Variants in SFI1 observed in about 807,000 individuals in gnomAD.
The protein encoded by SFI1 is SFI1 centrin binding protein.
Under a neutral mutation model 207.5 loss-of-function variants are expected in SFI1, and 195 were observed. The observed-to-expected ratio is 0.94, with a 90% confidence interval of 0.84 to 1.06. The LOEUF (loss-of-function observed/expected upper bound fraction) is 1.06. Among genes scored for constraint, SFI1 ranks in the 50% least tolerant of loss-of-function variants. SFI1 has a pLI of 0.00. For missense variants in SFI1, 1,634 were observed against 1,588.0 expected (o/e 1.03, Z -0.49); for synonymous variants, 630 against 598.9 (o/e 1.05, Z -0.76).
At chr22:31,508,512 C>A in intron 2 of SFI1, 136 bp downstream of exon 2, 1 of 608,130 alleles carries the variant, frequency 1.6e-6, no homozygotes, top group Non-Finnish European at 2.9e-6. Context: ...ATTGATATTT[C>A]AAATTTTTCA....
chr22:31,501,317 G>A (rs1363315903), intron 1 of SFI1, among the ~76,000 whole-genome samples: 15 of 151,500 alleles, frequency 9.9e-5, no homozygotes, highest in Non-Finnish European at 1.9e-4. Flanking sequence ...GACTACAGGC[G>A]CCCGCCACCA....
At chr22:31,613,580 C>G in intron 26 of SFI1, 22 bp from the exon 27 acceptor site, 1 of 1,577,668 alleles carries the variant, frequency 6.3e-7, no homozygotes, top group Non-Finnish European at 8.6e-7. Flanking sequence ...GTGGCATGAG[C>G]TGACCAGAGG....
chr22:31,615,438 C>G (rs910992135), intron 29 of SFI1, 159 bp downstream of exon 29: 3 of 584,812 alleles, frequency 5.1e-6, no homozygotes, highest in Non-Finnish European at 8.2e-6. Flanking sequence ...ACACCAGGTC[C>G]AAGGGCCACA....
At position 31,602,220 on chromosome 22, in the gene SFI1, TAGAG is replaced by T; in HGVS notation, c.1555_1558del (p.Glu519SerfsTer120). ...TCTTCCTTGTTTTTTAGGGAGACAT[TAGAG>T]AAGCAAGTATTTTCTCTCTGGAGGC... On this transcript the variant is annotated frameshift_variant, in exon 16 of 33. Coordinates refer to ENST00000400288, the MANE Select transcript of SFI1 (RefSeq NM_001007467.3). LOFTEE classifies it high-confidence loss of function. 6.2e-7 allele frequency: 1 copy of T among 1,613,700 alleles called. No individual in the cohort carries two copies. The highest frequency in any genetic ancestry group is 8.5e-7 in the Non-Finnish European group (1 of 1,179,560).
chr22:31,530,489 CAAAAAAAAA>C (rs3069094), intron 3 of SFI1: 26 of 114,012 alleles, frequency 2.3e-4, no homozygotes, highest in Admixed American at 4.2e-4. Context: ...AACTCTGTCT[CAAAAAAAAA>C]AAAAAAAAAA....
At chr22:31,541,642 G>A (rs1376462515) in intron 4 of SFI1, among the ~76,000 whole-genome samples, 1 of 151,204 alleles carries the variant, frequency 6.6e-6, no homozygotes. Flanking sequence ...TACTCAGGAG[G>A]CTGAGGCAGG....
intron 1 of SFI1, among the ~76,000 whole-genome samples, chr22:31,500,972 G>T (rs1283242173): frequency 6.7e-6 from 1 of 149,636 alleles, no homozygotes; most frequent in Admixed American, 6.7e-5. Context: ...GCTAATTTTT[G>T]TATTTTTAGT....
At chr22:31,606,486 G>A in intron 21 of SFI1, 56 bp downstream of exon 21, 2 of 1,436,006 alleles carry the variant, frequency 1.4e-6, no homozygotes, top group South Asian at 1.2e-5. Flanking sequence ...GTGTTCTGGT[G>A]AGGGCGTGGG....
At chr22:31,591,898 A>G (rs1220373185) in intron 15 of SFI1, among the ~76,000 whole-genome samples, 45 of 33,628 alleles carry the variant, frequency 1.3e-3, no homozygotes, top group African/African-American at 7.0e-3. Flanking sequence ...CTGGCCGGGC[A>G]GGGGGGCTGA....
At chr22:31,556,827 C>A (rs2148159602) in intron 6 of SFI1, 115 bp from the exon 7 acceptor site, 1 of 610,902 alleles carries the variant, frequency 1.6e-6, no homozygotes. Context: ...CAGCAGGGGT[C>A]ACTTGTAGGC....
chr22:31,565,328 G>C (rs1298041235), intron 8 of SFI1, among the ~76,000 whole-genome samples: 1 of 151,856 alleles, frequency 6.6e-6, no homozygotes, highest in Admixed American at 6.6e-5. Context: ...CCATCTACTC[G>C]GGAGGCTGTG....
Position 31,510,577 on chromosome 22 carries a change from A to G in SFI1, c.92+2201A>G, listed in dbSNP as rs536409028. On this transcript the variant is annotated intron_variant, in intron 2 of 32. Coordinates refer to ENST00000400288, the MANE Select transcript of SFI1 (RefSeq NM_001007467.3). ...GCCTCCCGAGTAGCTGAGATTACAG[A>G]TGCATGCCACCACGCCTGGCTAATT... Among the ~76,000 whole-genome samples, 16 of 151,878 alleles carry G rather than the reference A, an allele frequency of 1.1e-4. No homozygotes were observed. The East Asian group carries it at 2.7e-3, about 26-fold the overall frequency.
chr22:31,551,848 T>C (rs1483057609), intron 6 of SFI1, among the ~76,000 whole-genome samples: 1 of 152,226 alleles, frequency 6.6e-6, no homozygotes, highest in Admixed American at 6.5e-5. Context: ...CCTCTTTGTA[T>C]TGTCATTAAA....
chr22:31,617,680 C>T (rs1351743679), intron 31 of SFI1, among the ~76,000 whole-genome samples: 2 of 150,754 alleles, frequency 1.3e-5, no homozygotes, highest in Non-Finnish European at 2.9e-5. Context: ...GAGATCACGC[C>T]ATTGCACTCC....
intron 29 of SFI1, chr22:31,616,543 C>G (rs572663424): frequency 2.0e-6 from 1 of 492,302 alleles, no homozygotes; most frequent in South Asian, 4.2e-5. Context: ...GCGGGACTTT[C>G]CCCTACAGTA....
chr22:31,530,703 C>T (rs78532674), intron 3 of SFI1: 16,907 of 449,064 alleles, frequency 0.038, 487 homozygotes, highest in South Asian at 0.071. Context: ...CACAGCTACT[C>T]ACTCTGTTTA....
At chr22:31,555,768 C>G (rs771274723) in intron 6 of SFI1, among the ~76,000 whole-genome samples, 1 of 152,104 alleles carries the variant, frequency 6.6e-6, no homozygotes, top group East Asian at 1.9e-4. Flanking sequence ...AACTCTAAAC[C>G]ACAGCACTAT....
Position 31,561,327 on chromosome 22 carries a change from G to A in SFI1, c.700G>A (p.Val234Ile), listed in dbSNP as rs780535570. 1.9e-6 allele frequency: 3 copies of A among 1,614,150 alleles called. No individual in the cohort carries two copies. The highest frequency in any genetic ancestry group is 2.5e-6 in the Non-Finnish European group (3 of 1,180,014). ...WSTWRQRLGQ[V>I]RVSRALHASA... is the part of the protein sequence containing the mutation. ...CACGTGGAGGCAGCGACTAGGACAG[G>A]TCCGTGTGAGCCGTGCCCTCCATGC... The change falls in exon 8 of 33, where the codon GTC becomes ATC. Residue 234 changes from valine to isoleucine, a missense_variant. Transcript: ENST00000400288.
intron 13 of SFI1, among the ~76,000 whole-genome samples, chr22:31,584,728 A>G (rs2146256685): frequency 6.6e-6 from 1 of 152,274 alleles, no homozygotes; most frequent in Non-Finnish European, 1.5e-5. Flanking sequence ...GTGAGAGGCA[A>G]CATGTCGTGG....
Sources: gnomAD v4.1 joint callset for allele counts (sites outside exome capture counted in the v4.1 genomes callset) on GRCh38, gnomAD v4.1.1 for gene constraint, MANE v1.5 for transcripts, NCBI Gene and HGNC (gene_info 2026-07-23, HGNC 2026-07-21) for gene names.